The following LRRIQ1 variants were observed in gnomAD, a reference collection of about 807,000 sequenced individuals.
LRRIQ1 encodes the protein leucine-rich repeat- and IQ domain-containing protein 1.
A neutral mutation model predicts 211.9 loss-of-function variants in LRRIQ1; 210 were observed. The ratio of observed to expected loss-of-function variants is 0.99; its 90% CI spans 0.89 to 1.11. The LOEUF (loss-of-function observed/expected upper bound fraction) is 1.11. Ranked by LOEUF, LRRIQ1 falls within the 50% of genes most tolerant of loss-of-function variation. The pLI is 0.00. For synonymous variants in LRRIQ1, 699 were observed against 650.1 expected (o/e 1.08, Z -1.14); for missense variants, 2,136 against 1,939.5 (o/e 1.10, Z -1.90).
At chr12:85,051,168 TTCTCCTC>T (rs1880262158) in intron 6 of LRRIQ1, among the ~76,000 whole-genome samples, 1 of 151,258 alleles carries the variant, frequency 6.6e-6, no homozygotes, top group African/African-American at 2.4e-5. Flanking sequence ...GCCTAGCACT[TTCTCCTC>T]TCTCTCTCTC....
At position 85,098,930 on chromosome 12, in the gene LRRIQ1, A is replaced by G; in HGVS notation, c.3145A>G (p.Thr1049Ala). 1 of 1,575,404 alleles carries G rather than the reference A, an allele frequency of 6.3e-7. No individual in the cohort carries two copies. Among genetic ancestry groups the G allele is most frequent in the African/African-American group, 1.4e-5 (1 of 73,324 alleles). ...GCACTTGGATGATAACAGCATTTCA[A>G]CTGTGGAAGCATTTTCTTCATACTG... ...ELHLDDNSISTVEAFSSYWLP... is the reference protein window; with the variant it reads ...ELHLDDNSISAVEAFSSYWLP... Residue 1049 changes from threonine (T) to alanine (A), a missense_variant, in exon 13 of 27, where the codon ACT becomes GCT. By Grantham distance (58) the Thr-to-Ala change is moderately conservative. Coordinates refer to ENST00000393217, the MANE Select transcript of LRRIQ1 (RefSeq NM_001079910.2).
intron 13 of LRRIQ1, 51 bp downstream of exon 13, chr12:85,099,045 T>G (rs1033954782): frequency 6.9e-6 from 9 of 1,301,454 alleles, no homozygotes; most frequent in African/African-American, 1.5e-5. Context: ...TTAAAATAAA[T>G]ATGTGATGTT....
At chr12:85,182,351 T>G (rs1341327170) in intron 24 of LRRIQ1, among the ~76,000 whole-genome samples, 2 of 152,160 alleles carry the variant, frequency 1.3e-5, no homozygotes, top group African/African-American at 2.4e-5. Flanking sequence ...CAGAGGTTGG[T>G]AGATTAGAAG....
chr12:85,070,766 A>G (rs1882996279), intron 10 of LRRIQ1, among the ~76,000 whole-genome samples: 1 of 151,834 alleles, frequency 6.6e-6, no homozygotes, highest in Non-Finnish European at 1.5e-5. Context: ...AGCTGTATTC[A>G]TTTTTTCTTC....
chr12:85,241,116 G>A lies in LRRIQ1; in HGVS notation c.5017-3673G>A, dbSNP rs375114927. 7.9e-5 allele frequency among the ~76,000 whole-genome samples: 12 copies of A among 152,090 alleles called. No homozygotes were observed. In the South Asian group the frequency reaches 1.9e-3, roughly 24 times the overall value. ...AGTATTGATACAGTGTCAGTTTTCT[G>A]GTTTTGTTGATCATGATTTGGTTAT... On this transcript the variant is annotated intron_variant, in intron 26 of 26. Coordinates refer to ENST00000393217, the MANE Select transcript of LRRIQ1 (RefSeq NM_001079910.2).
chr12:85,038,400 T>A, intron 2 of LRRIQ1, 92 bp downstream of exon 2: 2 of 887,676 alleles, frequency 2.3e-6, no homozygotes, highest in Non-Finnish European at 3.1e-6. Context: ...CTTCTCATTT[T>A]TAGCAGCATT....
At chr12:85,111,713 C>T (rs543189747) in intron 15 of LRRIQ1, among the ~76,000 whole-genome samples, 2 of 152,162 alleles carry the variant, frequency 1.3e-5, no homozygotes, top group Admixed American at 1.3e-4. Context: ...TTGTCCCAGA[C>T]ATTTTGTATT....
chr12:85,091,567 A>T (rs1053422709), intron 11 of LRRIQ1, among the ~76,000 whole-genome samples: 6 of 152,008 alleles, frequency 3.9e-5, no homozygotes, highest in African/African-American at 1.4e-4. Context: ...TTAGTCATAA[A>T]TTTTTTGACA....
At chr12:85,093,774 CAG>C (rs1885625298) in intron 11 of LRRIQ1, among the ~76,000 whole-genome samples, 1 of 152,184 alleles carries the variant, frequency 6.6e-6, no homozygotes, top group African/African-American at 2.4e-5. Context: ...CAAGTGAACA[CAG>C]AGATTTTTTA....
rs200203800 is a variant in LRRIQ1, at chr12:85,153,728, C to G, written c.4607C>G (p.Ser1536Cys). 62 of 1,573,672 alleles carry G rather than the reference C, an allele frequency of 3.9e-5. No individual in the cohort carries two copies. In the African/African-American group the frequency reaches 7.4e-4, roughly 19 times the overall value. Residue 1536 changes from serine to cysteine, a missense_variant, in exon 22 of 27, where the codon TCT (serine) becomes TGT (cysteine). By Grantham distance (112) the Ser-to-Cys change is moderately radical (BLOSUM62 -1). Coordinates refer to ENST00000393217, the MANE Select transcript of LRRIQ1 (RefSeq NM_001079910.2). ...ACCAGTAGAAAGAGTTTGCTAAAAT[C>G]TGAAAAAGAAAAAAAAATTTCAGAA... Reference protein sequence around the residue: ...SKTSRKSLLKSEKEKKISEEW... With the variant: ...SKTSRKSLLKCEKEKKISEEW...
At chr12:85,090,270 C>A (rs1015116503) in intron 11 of LRRIQ1, among the ~76,000 whole-genome samples, 3 of 152,180 alleles carry the variant, frequency 2.0e-5, no homozygotes, top group African/African-American at 7.2e-5. Flanking sequence ...AGAACCTCTA[C>A]CAAAGTAGGG....
In LRRIQ1 at chr12:85,127,989, G is replaced by A. The variant is rs776241969; in HGVS notation, c.4165G>A (p.Val1389Met). The A allele has an allele frequency of 3.1e-6, 5 of 1,613,430 alleles. No individual in the cohort carries two copies. Among genetic ancestry groups the A allele is most frequent in the Admixed American group, 1.7e-5 (1 of 60,012 alleles). Residue 1389 changes from valine (V) to methionine (M), a missense_variant, in exon 18 of 27, where the codon GTG becomes ATG. Transcript: ENST00000393217. Reference sequence around the variant, plus strand: ...AAAGAAAGGAAAAAGAGAAAATATTGTGAATATCCGAAAACAGAGGGAGAA... The same window carrying A: ...AAAGAAAGGAAAAAGAGAAAATATTATGAATATCCGAAAACAGAGGGAGAA... ...ILKKGKRENI[V>M]NIRKQREKAA...
At chr12:85,174,701 C>CAAAAAAAAAAAA (rs71076115) in intron 24 of LRRIQ1, among the ~76,000 whole-genome samples, 610 of 21,552 alleles carry the variant, frequency 0.028, 122 homozygotes, top group African/African-American at 0.074. Context: ...GAGTACAGCT[C>CAAAAAAAAAAAA]AAAAAAAAAA....
At chr12:85,188,237 A>G (rs1892324919) in intron 24 of LRRIQ1, among the ~76,000 whole-genome samples, 1 of 152,120 alleles carries the variant, frequency 6.6e-6, no homozygotes, top group Non-Finnish European at 1.5e-5. Flanking sequence ...TGTTCTGGTT[A>G]GGCTAATTTA....
At chr12:85,145,512 C>T (rs979321142) in intron 19 of LRRIQ1, among the ~76,000 whole-genome samples, 1 of 151,336 alleles carries the variant, frequency 6.6e-6, no homozygotes, top group Admixed American at 6.6e-5. Context: ...CCTACATGAA[C>T]TCTAACAAGT....
chr12:85,134,380 G>A (rs1253033367), intron 18 of LRRIQ1, among the ~76,000 whole-genome samples: 7 of 151,978 alleles, frequency 4.6e-5, no homozygotes, highest in Admixed American at 1.3e-4. Context: ...CATTTATTTA[G>A]CATACAGTTT....
At chr12:85,070,056 A>T (rs1003697683) in intron 10 of LRRIQ1, among the ~76,000 whole-genome samples, 1 of 151,862 alleles carries the variant, frequency 6.6e-6, no homozygotes, top group African/African-American at 2.4e-5. Context: ...TTTCTTCAAG[A>T]TGGATTAAAG....
At chr12:85,216,102 G>A (rs113351740) in intron 24 of LRRIQ1, among the ~76,000 whole-genome samples, 8 of 152,206 alleles carry the variant, frequency 5.3e-5, no homozygotes, top group East Asian at 1.9e-4. Flanking sequence ...TACACATGCC[G>A]TGGTGGTTTG....
intron 19 of LRRIQ1, among the ~76,000 whole-genome samples, chr12:85,143,190 G>A (rs575712067): frequency 3.0e-4 from 46 of 151,676 alleles, no homozygotes; most frequent in African/African-American, 1.1e-3. Flanking sequence ...GTTTTAATCT[G>A]CATTTCCCTG....
Sources: allele counts gnomAD v4.1 joint callset (sites outside exome capture counted in the v4.1 genomes callset), GRCh38; gene constraint gnomAD v4.1.1; transcripts MANE v1.5; gene names NCBI Gene and HGNC (gene_info 2026-07-23, HGNC 2026-07-21).